The following ZBTB20 variants were observed in gnomAD, a reference collection of about 807,000 sequenced individuals.
The protein encoded by ZBTB20 is zinc finger and BTB domain containing 20, also known as zinc finger and BTB domain-containing protein 20.
A neutral mutation model predicts 56.9 loss-of-function variants in ZBTB20; 9 were observed. The observed-to-expected ratio is 0.16, with a 90% confidence interval of 0.10 to 0.28. The LOEUF is 0.28. Among genes scored for constraint, ZBTB20 ranks in the 10% least tolerant of loss-of-function variants. The pLI, the probability that ZBTB20 is intolerant of heterozygous loss-of-function variation, is 1.00. For missense variants in ZBTB20, 655 were observed against 1,003.0 expected (o/e 0.65, Z 4.69); for synonymous variants, 417 against 420.7 (o/e 0.99, Z 0.11).
chr3:115,001,376 C>T (rs1409104882), intron 2 of ZBTB20, among the ~76,000 whole-genome samples: 7 of 151,192 alleles, frequency 4.6e-5, no homozygotes, highest in Non-Finnish European at 8.9e-5. Context: ...AATACACATT[C>T]CAGAATAAAC....
intron 6 of ZBTB20, among the ~76,000 whole-genome samples, chr3:114,602,417 C>T (rs2056829089): frequency 1.3e-5 from 2 of 152,024 alleles, no homozygotes; most frequent in African/African-American, 4.8e-5. Flanking sequence ...GATCTCCTTA[C>T]ACATCTTTTA....
intron 1 of ZBTB20, among the ~76,000 whole-genome samples, chr3:115,124,476 A>T (rs1195317087): frequency 6.6e-6 from 1 of 152,230 alleles, no homozygotes; most frequent in East Asian, 1.9e-4. Flanking sequence ...ATAAAAAATG[A>T]AGCATGTTCT....
At chr3:114,428,196 T>C (rs2733412) in intron 7 of ZBTB20, among the ~76,000 whole-genome samples, 38,656 of 152,034 alleles carry the variant, frequency 0.25, 5,354 homozygotes, top group Admixed American at 0.35. Flanking sequence ...GGCAGTTTAC[T>C]CTCACTTTTA....
At chr3:115,127,558 A>C (rs765640503) in intron 1 of ZBTB20, among the ~76,000 whole-genome samples, 20 of 152,188 alleles carry the variant, frequency 1.3e-4, no homozygotes, top group Non-Finnish European at 2.6e-4. Flanking sequence ...CATGCCATGC[A>C]CTCCAGCCTG....
At chr3:114,727,210 C>T (rs1055152986) in intron 5 of ZBTB20, among the ~76,000 whole-genome samples, 3 of 152,024 alleles carry the variant, frequency 2.0e-5, no homozygotes, top group African/African-American at 2.4e-5. Context: ...GGCCCACCAA[C>T]CTGGAAACTT....
chr3:114,548,481 C>G (rs1276516556), intron 6 of ZBTB20, among the ~76,000 whole-genome samples: 1 of 151,994 alleles, frequency 6.6e-6, no homozygotes, highest in Non-Finnish European at 1.5e-5. Flanking sequence ...TTTAAAAACA[C>G]AACTGCACTA....
At chr3:114,419,426 T>A (rs1005081757) in intron 7 of ZBTB20, among the ~76,000 whole-genome samples, 1 of 152,012 alleles carries the variant, frequency 6.6e-6, no homozygotes, top group Non-Finnish European at 1.5e-5. Context: ...ACTAAACACA[T>A]AGTAATAGGG....
intron 3 of ZBTB20, among the ~76,000 whole-genome samples, chr3:114,971,735 CAATGGAACTTAAACTCCT>C (rs1448803548): frequency 2.6e-5 from 4 of 152,170 alleles, no homozygotes; most frequent in African/African-American, 9.7e-5. Context: ...CTTTGTATTA[CAATGGAACTTAAACTCCT>C]CTGGGCAGTG....
At chr3:114,712,703 T>C (rs967110503) in intron 5 of ZBTB20, among the ~76,000 whole-genome samples, 5 of 152,076 alleles carry the variant, frequency 3.3e-5, no homozygotes, top group Admixed American at 3.3e-4. Flanking sequence ...GGGCTCAATT[T>C]GTTCACTACA....
chr3:114,781,013 T>C (rs1394643227), intron 5 of ZBTB20, among the ~76,000 whole-genome samples: 1 of 152,190 alleles, frequency 6.6e-6, no homozygotes, highest in Non-Finnish European at 1.5e-5. Flanking sequence ...TTAAAATAAA[T>C]ATTATTCTAT....
chr3:114,810,580 G>A (rs2072448172), intron 4 of ZBTB20, among the ~76,000 whole-genome samples: 1 of 152,166 alleles, frequency 6.6e-6, no homozygotes, highest in Non-Finnish European at 1.5e-5. Context: ...CTAAAACACT[G>A]TGGGCTCCTA....
At chr3:114,382,548 T>C (rs6781043) in intron 8 of ZBTB20, among the ~76,000 whole-genome samples, 2,106 of 152,320 alleles carry the variant, frequency 0.014, 88 homozygotes, top group Admixed American at 0.074. Context: ...ATCATACTTA[T>C]TATCCTTCAT....
At chr3:114,829,877 T>G (rs2073753595) in intron 4 of ZBTB20, among the ~76,000 whole-genome samples, 1 of 151,822 alleles carries the variant, frequency 6.6e-6, no homozygotes, top group Non-Finnish European at 1.5e-5. Context: ...CATGTCAAAA[T>G]TTCATGTTGA....
intron 7 of ZBTB20, among the ~76,000 whole-genome samples, chr3:114,477,339 T>C (rs1012763273): frequency 5.3e-5 from 8 of 152,178 alleles, no homozygotes; most frequent in Admixed American, 1.3e-4. Flanking sequence ...TTAATCATCA[T>C]AAGAGTTTTC....
chr3:114,807,149 T>C (rs1011108879), intron 4 of ZBTB20, among the ~76,000 whole-genome samples: 2 of 152,054 alleles, frequency 1.3e-5, no homozygotes, highest in Non-Finnish European at 2.9e-5. Context: ...TTTGACAGGA[T>C]TGTGAATTGA....
At chr3:114,957,836 G>C (rs6771110) in intron 3 of ZBTB20, among the ~76,000 whole-genome samples, 1 of 152,086 alleles carries the variant, frequency 6.6e-6, no homozygotes, top group Non-Finnish European at 1.5e-5. Flanking sequence ...TTGTCCTCCA[G>C]GATGAATGGA....
chr3:114,900,548 CAG>C (rs1560378528), intron 3 of ZBTB20: 2 of 151,422 alleles, frequency 1.3e-5, no homozygotes, highest in East Asian at 3.9e-4. Context: ...CACACACACA[CAG>C]AGTCCCTTAG....
intron 2 of ZBTB20, among the ~76,000 whole-genome samples, chr3:115,066,267 CTT>C (rs959432085): frequency 1.3e-5 from 2 of 149,306 alleles, no homozygotes; most frequent in Non-Finnish European, 1.5e-5. Context: ...TAAAATAGTC[CTT>C]TTTTTTTTCT....
intron 7 of ZBTB20, among the ~76,000 whole-genome samples, chr3:114,455,547 G>A (rs2091960132): frequency 6.6e-6 from 1 of 152,124 alleles, no homozygotes. Context: ...TGGTCTAGGA[G>A]TGTAGCAGAC....
Sources: gnomAD v4.1 joint callset for allele counts (sites outside exome capture counted in the v4.1 genomes callset) on GRCh38, gnomAD v4.1.1 for gene constraint, MANE v1.5 for transcripts, NCBI Gene and HGNC (gene_info 2026-07-23, HGNC 2026-07-21) for gene names.